CHRM2: variants seen among roughly 807,000 people sequenced by gnomAD.
CHRM2 encodes the protein muscarinic acetylcholine receptor M2.
Under a neutral mutation model 25.0 loss-of-function variants are expected in CHRM2, and 8 were observed. The ratio of observed to expected loss-of-function variants is 0.32; its 90% confidence interval spans 0.19 to 0.58. The LOEUF (loss-of-function observed/expected upper bound fraction) is 0.58. CHRM2 is among the 20% of genes least tolerant of loss of function. CHRM2 has a pLI of 0.88. For synonymous variants in CHRM2, 202 were observed against 205.7 expected (o/e 0.98, Z 0.15); for missense variants, 440 against 567.1 (o/e 0.78, Z 2.28).
intron 2 of CHRM2, among the ~76,000 whole-genome samples, chr7:136,930,283 C>T (rs1798985477): frequency 6.6e-6 from 1 of 151,838 alleles, no homozygotes; most frequent in Non-Finnish European, 1.5e-5. Flanking sequence ...AACTACAAAA[C>T]AAATTAGCCA....
chr7:136,957,113 T>C (rs1006460689), intron 2 of CHRM2, among the ~76,000 whole-genome samples: 2 of 152,196 alleles, frequency 1.3e-5, no homozygotes, highest in Non-Finnish European at 2.9e-5. Context: ...CCACTTCACT[T>C]TGTGCTGGAA....
At position 136,938,549 on chromosome 7, in the gene CHRM2, C is replaced by T. The variant is rs1799556902; in HGVS notation, c.-124-53638C>T. 3 of 914,358 alleles carry T rather than the reference C, an allele frequency of 3.3e-6. No homozygotes were observed. In the South Asian group the frequency reaches 3.9e-5, roughly 12 times the overall value. 56.6% of individuals were successfully genotyped at this position (914,358 alleles called of 1,614,324 possible). ...TTGATTGACCGTGACTGCAGTGATCCCTCCCATGCCGCTGGCCCCACCATA... is the reference window on the plus strand; with the variant it reads ...TTGATTGACCGTGACTGCAGTGATCTCTCCCATGCCGCTGGCCCCACCATA... On this transcript the variant is annotated intron_variant, in intron 2 of 3. Transcript: ENST00000680005.
intron 2 of CHRM2, among the ~76,000 whole-genome samples, chr7:136,915,678 C>T (rs2130706553): frequency 6.6e-6 from 1 of 151,794 alleles, no homozygotes; most frequent in East Asian, 2.0e-4. Flanking sequence ...ATGTTGGTAG[C>T]AATACTGAGA....
At chr7:136,928,315 G>A (rs912729469) in intron 2 of CHRM2, among the ~76,000 whole-genome samples, 2 of 152,144 alleles carry the variant, frequency 1.3e-5, no homozygotes, top group African/African-American at 4.8e-5. Flanking sequence ...TAAGTGGGTT[G>A]AGATAATAAT....
chr7:136,963,348 C>G (rs1004732997), intron 2 of CHRM2, among the ~76,000 whole-genome samples: 3 of 152,040 alleles, frequency 2.0e-5, no homozygotes, highest in South Asian at 4.1e-4. Flanking sequence ...AGTGGAGAAA[C>G]AGAGTTAAAG....
intron 2 of CHRM2, among the ~76,000 whole-genome samples, chr7:136,913,132 A>G (rs1329761156): frequency 6.6e-6 from 1 of 151,956 alleles, no homozygotes; most frequent in East Asian, 1.9e-4. Flanking sequence ...CTCCTGACAA[A>G]CTGTATAACA....
chr7:136,962,826 C>T (rs1057349787), intron 2 of CHRM2, among the ~76,000 whole-genome samples: 1 of 152,164 alleles, frequency 6.6e-6, no homozygotes. Context: ...ACTCAGAGTT[C>T]ACTCACAGAA....
intron 2 of CHRM2, among the ~76,000 whole-genome samples, chr7:136,908,202 A>T (rs1797659554): frequency 6.6e-6 from 1 of 152,006 alleles, no homozygotes; most frequent in Non-Finnish European, 1.5e-5. Context: ...ACAGTTTTAG[A>T]TCATCCTTCT....
chr7:136,885,248 C>T (rs990186957), intron 2 of CHRM2, among the ~76,000 whole-genome samples: 5 of 152,162 alleles, frequency 3.3e-5, no homozygotes, highest in African/African-American at 4.8e-5. Context: ...AAAATTTCCT[C>T]GTTTCCTGGT....
At chr7:136,904,002 G>A (rs1225061252) in intron 2 of CHRM2, among the ~76,000 whole-genome samples, 1 of 151,718 alleles carries the variant, frequency 6.6e-6, no homozygotes, top group African/African-American at 2.4e-5. Context: ...GGCTTTAATT[G>A]TCATGATATG....
chr7:137,003,427 TTCC>T (rs1239079129), intron 3 of CHRM2, among the ~76,000 whole-genome samples: 5 of 151,104 alleles, frequency 3.3e-5, no homozygotes, highest in African/African-American at 1.2e-4. Flanking sequence ...TTATTACCCT[TTCC>T]TCCTCAACTA....
chr7:136,874,056 T>A (rs1795951489), intron 2 of CHRM2, among the ~76,000 whole-genome samples: 1 of 152,198 alleles, frequency 6.6e-6, no homozygotes, highest in Admixed American at 6.5e-5. Context: ...ATCAAGAGAC[T>A]TTTTCAAGGT....
chr7:136,921,506 C>T (rs757854611), intron 2 of CHRM2, among the ~76,000 whole-genome samples: 6 of 152,272 alleles, frequency 3.9e-5, no homozygotes, highest in African/African-American at 1.2e-4. Flanking sequence ...ATGTGTCCCT[C>T]GTGCATGAGG....
intron 2 of CHRM2, among the ~76,000 whole-genome samples, chr7:136,961,153 G>T (rs1404440586): frequency 6.6e-6 from 1 of 151,792 alleles, no homozygotes; most frequent in Non-Finnish European, 1.5e-5. Flanking sequence ...AAAACCATAT[G>T]CATTCAGTAG....
intron 2 of CHRM2, among the ~76,000 whole-genome samples, chr7:136,933,649 C>A (rs1799241442): frequency 6.6e-6 from 1 of 151,978 alleles, no homozygotes; most frequent in Non-Finnish European, 1.5e-5. Flanking sequence ...TTATAATAAT[C>A]AAAAAGTGGA....
At chr7:136,994,395 T>C (rs998403510) in intron 3 of CHRM2, among the ~76,000 whole-genome samples, 7 of 152,068 alleles carry the variant, frequency 4.6e-5, no homozygotes, top group South Asian at 2.1e-4. Flanking sequence ...CCTTAAAAAA[T>C]AAACTCGCAT....
At chr7:136,944,976 C>T (rs1305458427) in intron 2 of CHRM2, among the ~76,000 whole-genome samples, 1 of 151,934 alleles carries the variant, frequency 6.6e-6, no homozygotes, top group East Asian at 1.9e-4. Flanking sequence ...ATTATCATTT[C>T]GATTTGCACT....
chr7:136,969,397 C>G (rs148222612), intron 2 of CHRM2, among the ~76,000 whole-genome samples: 2 of 152,096 alleles, frequency 1.3e-5, no homozygotes, highest in East Asian at 3.9e-4. Flanking sequence ...CCTGATTTGA[C>G]CCACTACTTT....
chr7:136,928,012 T>C (rs1798845714), intron 2 of CHRM2, among the ~76,000 whole-genome samples: 1 of 152,202 alleles, frequency 6.6e-6, no homozygotes, highest in African/African-American at 2.4e-5. Context: ...ATATATCAGC[T>C]CTTTTCCCAG....
Sources: gnomAD v4.1 joint callset for allele counts (sites outside exome capture counted in the v4.1 genomes callset) on GRCh38, gnomAD v4.1.1 for gene constraint, MANE v1.5 for transcripts, NCBI Gene and HGNC (gene_info 2026-07-23, HGNC 2026-07-21) for gene names.